RALGDS: variants seen among roughly 807,000 people sequenced by gnomAD.
RALGDS encodes the protein ral guanine nucleotide dissociation stimulator, also known as ral guanine nucleotide exchange factor.
RALGDS carries 44 observed loss-of-function variants against 99.8 expected under a neutral mutation model. The ratio of observed to expected loss-of-function variants is 0.44; its 90% CI spans 0.35 to 0.57. RALGDS has a LOEUF of 0.57. RALGDS is among the 20% of genes least tolerant of loss of function. The pLI, the probability that RALGDS is intolerant of heterozygous loss-of-function variation, is 0.01. For synonymous variants in RALGDS, 529 were observed against 505.0 expected (o/e 1.05, Z -0.64); for missense variants, 1,022 against 1,203.1 (o/e 0.85, Z 2.23).
At position 133,108,205 on chromosome 9, in the gene RALGDS, G is replaced by C. The variant is rs151046197; in HGVS notation, c.980C>G (p.Ser327Trp). 3.7e-6 allele frequency: 6 copies of C among 1,612,464 alleles called. No homozygotes were observed. The highest frequency in any genetic ancestry group is 2.2e-5 in the East Asian group (1 of 44,874). Residue 327 changes from serine to tryptophan, a missense_variant, in exon 6 of 18, where the codon TCG becomes TGG. By Grantham distance (177) the Ser-to-Trp change is radical (BLOSUM62 -3). Around this residue, in one of 3 missense-constraint regions of RALGDS, gnomAD observed 825 missense variants for 994.5 expected, o/e 0.83. Transcript: ENST00000372050. ...TAGTTCCAGAGCTGGCGCTGGAGCC[G>C]ATTCTAGTCCCACAGCTGGCTCTGG... is the stretch of plus-strand genomic sequence containing the variant. ...QAPEPAVGLE[S>W]APAPALELEP... is the part of the protein sequence containing the mutation.
At chr9:133,123,389 A>C (rs1021229426), upstream of RALGDS, among the ~76,000 whole-genome samples, 3 of 152,162 alleles carry the variant, frequency 2.0e-5, no homozygotes, top group Non-Finnish European at 2.9e-5. Context: ...AATCACCACT[A>C]TTCTGGCCTT....
chr9:133,102,747 C>A, intron 13 of RALGDS, 32 bp downstream of exon 13: 1 of 1,606,962 alleles, frequency 6.2e-7, no homozygotes, highest in Non-Finnish European at 8.5e-7. Context: ...ACAGCCTGCC[C>A]CCACTGTCCC....
chr9:133,140,091 G>A (rs1002832382), intron 1 of RALGDS, among the ~76,000 whole-genome samples: 3 of 150,810 alleles, frequency 2.0e-5, no homozygotes, highest in African/African-American at 7.3e-5. Flanking sequence ...GGACAGATAA[G>A]TGCTGCTGCA....
upstream of RALGDS, among the ~76,000 whole-genome samples, chr9:133,133,868 C>G (rs565054537): frequency 1.3e-5 from 2 of 152,290 alleles, no homozygotes; most frequent in South Asian, 4.1e-4. Context: ...GGTGTGAGGC[C>G]CATTGTTTAC....
At chr9:133,143,678 G>A (rs894219078) in intron 1 of RALGDS, among the ~76,000 whole-genome samples, 1 of 150,994 alleles carries the variant, frequency 6.6e-6, no homozygotes, top group Admixed American at 6.6e-5. Context: ...GGTCGAGGAC[G>A]CAGTGAGCCG....
intron 2 of RALGDS, 23 bp from the exon 3 acceptor site, chr9:133,110,512 C>A: frequency 6.3e-7 from 1 of 1,586,992 alleles, no homozygotes; most frequent in Non-Finnish European, 8.6e-7. Flanking sequence ...AGAGGAGGGA[C>A]AGACAGTCAG....
chr9:133,144,861 C>G lies in RALGDS; in HGVS notation c.18+4102G>C, dbSNP rs7024482. Reference sequence around the variant, plus strand: ...ATCTTATTTGGAAATAGGGTCTGTGCGGATAGAATCCGGATGAGGTCATAC... The same window carrying G: ...ATCTTATTTGGAAATAGGGTCTGTGGGGATAGAATCCGGATGAGGTCATAC... On this transcript the variant is annotated intron_variant, in intron 1 of 17. Transcript: ENST00000393160. This position sits in a 1 kb window ranked among gnomAD's most constrained non-coding sequence, Gnocchi z 4.5. 6.6e-6 allele frequency among the ~76,000 whole-genome samples: 1 copy of G among 152,194 alleles called. No individual in the cohort carries two copies. The highest frequency in any genetic ancestry group is 2.4e-5 in the African/African-American group (1 of 41,436).
chr9:133,103,700 A>G (rs530182595), intron 11 of RALGDS, 47 bp downstream of exon 11: 12 of 1,574,402 alleles, frequency 7.6e-6, no homozygotes, highest in Non-Finnish European at 1.0e-5. Context: ...GGCTCAGGGA[A>G]GGTCTCTCCT....
intron 1 of RALGDS, among the ~76,000 whole-genome samples, chr9:133,130,487 A>C (rs1832304335): frequency 6.6e-6 from 1 of 152,138 alleles, no homozygotes; most frequent in African/African-American, 2.4e-5. Flanking sequence ...GGTGGTAAAA[A>C]ATAATAATAT....
intron 11 of RALGDS, 73 bp from the exon 12 acceptor site, chr9:133,103,335 A>G (rs1196988368): frequency 1.9e-6 from 3 of 1,589,546 alleles, no homozygotes; most frequent in Admixed American, 1.7e-5. Flanking sequence ...CTCATGCTGC[A>G]CTATCAAGAG....
chr9:133,146,391 CA>C (rs1183116982), intron 1 of RALGDS, among the ~76,000 whole-genome samples: 1 of 152,116 alleles, frequency 6.6e-6, no homozygotes, highest in Non-Finnish European at 1.5e-5. Flanking sequence ...GGGGTTTCAC[CA>C]CGTTGGCCAG....
chr9:133,121,034 CG>C lies in RALGDS; in HGVS notation c.120del (p.Asp41ThrfsTer13). ...WDAVRLEVGVPDSCPVVLHSF... is the reference protein window; with the variant it reads ...WDAVRLEVGVXDSCPVVLHSF... ...CTGTGCAGCACCACCGGGCAGCTGT[CG>C]GGGACGCCCACCTCCAGGCGCACGG... On this transcript the variant is annotated frameshift_variant, in exon 1 of 18. Coordinates refer to ENST00000372050, the MANE Select transcript of RALGDS (RefSeq NM_006266.4). LOFTEE classifies it high-confidence loss of function. 6.7e-7 allele frequency: 1 copy of C among 1,495,232 alleles called. No homozygotes were observed. The highest frequency in any genetic ancestry group is 8.9e-7 in the Non-Finnish European group (1 of 1,128,718). 92.6% of individuals were successfully genotyped at this position (1,495,232 alleles called of 1,614,324 possible).
intron 1 of RALGDS, among the ~76,000 whole-genome samples, chr9:133,143,391 G>C (rs1016694085): frequency 3.9e-5 from 6 of 152,230 alleles, no homozygotes; most frequent in African/African-American, 1.4e-4. Context: ...CAGCCTCAGG[G>C]GCGGGCCTGG....
chr9:133,101,622 G>T lies in RALGDS; in HGVS notation c.2352C>A (p.Asn784Lys). 6.2e-7 allele frequency: 1 copy of T among 1,613,558 alleles called. No homozygotes were observed. The highest frequency in any genetic ancestry group is 8.5e-7 in the Non-Finnish European group (1 of 1,180,034). The change falls in exon 16 of 18, where the codon AAC becomes AAA. Residue 784 changes from asparagine to lysine, a missense_variant. This residue lies in a region of RALGDS where 825 missense variants were observed against 994.5 expected (regional missense o/e 0.83). Transcript: ENST00000372050. The part of the protein sequence containing the change: ...THKRSVSGLC[N>K]SSSALPLYNQ... ...TGTAGAGCGGCAGCGCGGAGCTGGA[G>T]TTGCAGAGCCCTGAGACAGAGCGCT...
intron 1 of RALGDS, among the ~76,000 whole-genome samples, chr9:133,116,145 C>T (rs888414334): frequency 6.6e-6 from 1 of 152,126 alleles, no homozygotes; most frequent in African/African-American, 2.4e-5. Flanking sequence ...TGTCCGTGTC[C>T]GTGACCCTCC....
At chr9:133,117,326 G>A (rs1704039030) in intron 1 of RALGDS, among the ~76,000 whole-genome samples, 1 of 152,200 alleles carries the variant, frequency 6.6e-6, no homozygotes, top group Non-Finnish European at 1.5e-5. Context: ...ACATCTGCTA[G>A]GGGGCTGAGC....
At chr9:133,134,173 G>A (rs572461095), upstream of RALGDS, among the ~76,000 whole-genome samples, 15 of 152,300 alleles carry the variant, frequency 9.8e-5, no homozygotes, top group Admixed American at 2.6e-4. Flanking sequence ...GTGATGCTGT[G>A]GTCGTGCAGG....
chr9:133,103,443 T>C (rs1830858268), intron 11 of RALGDS, among the ~76,000 whole-genome samples, 181 bp from the exon 12 acceptor site: 1 of 152,076 alleles, frequency 6.6e-6, no homozygotes, highest in Non-Finnish European at 1.5e-5. Flanking sequence ...GGACTTCTTG[T>C]CCAGCACTCT....
At chr9:133,120,111 G>A (rs1227798551) in intron 1 of RALGDS, among the ~76,000 whole-genome samples, 2 of 152,136 alleles carry the variant, frequency 1.3e-5, no homozygotes, top group East Asian at 1.9e-4. Flanking sequence ...GGGCGAGGGG[G>A]GCATCTCTGG....
Sources: gnomAD v4.1 joint callset for allele counts (sites outside exome capture counted in the v4.1 genomes callset) on GRCh38, gnomAD v4.1.1 for gene constraint, gnomAD v4.1.1 regional missense constraint, Gnocchi (gnomAD v3.1) non-coding constraint, MANE v1.5 for transcripts, NCBI Gene and HGNC (gene_info 2026-07-23, HGNC 2026-07-21) for gene names.